Variants in MYO3B observed in about 807,000 individuals in gnomAD.
MYO3B encodes the protein myosin IIIB, also known as myosin-IIIb.
In MYO3B, 156 loss-of-function variants were observed where a neutral mutation model predicts 174.6. That is an observed-to-expected ratio of 0.89 (90% CI 0.78 to 1.02). The LOEUF (loss-of-function observed/expected upper bound fraction) is 1.02. Ranked by LOEUF, MYO3B falls within the 50% of genes least tolerant of loss-of-function variation. The pLI, the probability that MYO3B is intolerant of heterozygous loss-of-function variation, is 0.00. For missense variants in MYO3B, 1,632 were observed against 1,639.4 expected (o/e 1.00, Z 0.08); for synonymous variants, 563 against 569.1 (o/e 0.99, Z 0.15).
At chr2:170,375,514 T>G (rs1265008129) in intron 9 of MYO3B, among the ~76,000 whole-genome samples, 1 of 151,454 alleles carries the variant, frequency 6.6e-6, no homozygotes, top group Non-Finnish European at 1.5e-5. Context: ...TTGCTGGGTT[T>G]TTTTTTTTTC....
At chr2:170,202,839 T>C (rs1226253786) in intron 3 of MYO3B, among the ~76,000 whole-genome samples, 4 of 152,236 alleles carry the variant, frequency 2.6e-5, no homozygotes, top group African/African-American at 7.2e-5. Context: ...AATAAATTTA[T>C]GTTGCCTTTG....
intron 7 of MYO3B, among the ~76,000 whole-genome samples, chr2:170,260,404 C>G (rs1393332299): frequency 1.3e-5 from 2 of 152,202 alleles, no homozygotes; most frequent in Non-Finnish European, 2.9e-5. Context: ...TTCTTTGCAG[C>G]AGCATGGATG....
intron 32 of MYO3B, among the ~76,000 whole-genome samples, chr2:170,632,369 T>A (rs965801282): frequency 5.3e-5 from 8 of 152,152 alleles, no homozygotes; most frequent in Non-Finnish European, 1.0e-4. Flanking sequence ...AACCTGCTCC[T>A]GAATGACTAC....
intron 25 of MYO3B, among the ~76,000 whole-genome samples, chr2:170,476,495 C>G (rs1250561333): frequency 6.6e-6 from 1 of 152,010 alleles, no homozygotes; most frequent in Non-Finnish European, 1.5e-5. Flanking sequence ...GGATGGAGAG[C>G]TGGAATGGGG....
intron 32 of MYO3B, chr2:170,602,193 T>G: frequency 8.0e-7 from 1 of 1,244,500 alleles, no homozygotes; most frequent in Non-Finnish European, 1.2e-6. Context: ...ATGATGACAT[T>G]TTGCCTCTCG....
chr2:170,342,550 C>G (rs533256112), intron 8 of MYO3B, among the ~76,000 whole-genome samples: 1 of 152,226 alleles, frequency 6.6e-6, no homozygotes, highest in East Asian at 1.9e-4. Context: ...GATATTTAAC[C>G]TGTCTGACCG....
At chr2:170,499,888 T>G in intron 27 of MYO3B, 80 bp downstream of exon 27, 15 of 1,375,932 alleles carry the variant, frequency 1.1e-5, no homozygotes, top group Non-Finnish European at 1.5e-5. Context: ...ACTGTTTCTC[T>G]TCTAAGTGGT....
chr2:170,248,619 A>G (rs958881104), intron 7 of MYO3B, among the ~76,000 whole-genome samples: 2 of 152,008 alleles, frequency 1.3e-5, no homozygotes, highest in African/African-American at 4.8e-5. Context: ...GGATTTCTTG[A>G]CTTGTGGCTC....
At chr2:170,405,682 T>G in intron 21 of MYO3B, 49 bp downstream of exon 21, 1 of 1,444,348 alleles carries the variant, frequency 6.9e-7, no homozygotes. Flanking sequence ...AAAGGGTAAG[T>G]GTCTGTATTA....
At position 170,402,949 on chromosome 2, in the gene MYO3B, A is replaced by G; in HGVS notation, c.2231A>G (p.Glu744Gly). Reference protein sequence around the residue: ...FEQLCINIANEQIQYYFNQHV... With the variant: ...FEQLCINIANGQIQYYFNQHV... ...CAGCTCTGCATAAACATCGCCAATG[A>G]GCAAATCCAGTACTATTTCAATCAG... Residue 744 changes from glutamate (E) to glycine (G), a missense_variant, in exon 19 of 35, where the codon GAG becomes GGG. Transcript: ENST00000408978. 6.2e-7 allele frequency: 1 copy of G among 1,610,658 alleles called. No homozygotes were observed. The highest frequency in any genetic ancestry group is 8.5e-7 in the Non-Finnish European group (1 of 1,177,332).
chr2:170,533,370 A>G (rs1575126242), intron 30 of MYO3B, among the ~76,000 whole-genome samples: 3 of 150,280 alleles, frequency 2.0e-5, no homozygotes, highest in South Asian at 4.2e-4. Context: ...TGGACTAAGT[A>G]CTACTTTCAG....
chr2:170,559,464 A>G (rs1274124953), intron 32 of MYO3B, among the ~76,000 whole-genome samples: 2 of 152,214 alleles, frequency 1.3e-5, no homozygotes, highest in African/African-American at 2.4e-5. Context: ...CCAAAAGATC[A>G]GAGAGCAAAA....
At chr2:170,399,731 T>G (rs998543480) in intron 16 of MYO3B, among the ~76,000 whole-genome samples, 2 of 152,122 alleles carry the variant, frequency 1.3e-5, no homozygotes, top group Admixed American at 6.5e-5. Context: ...ATACCTGAAT[T>G]TGGGAGCTGG....
At chr2:170,212,113 C>T (rs939723229) in intron 3 of MYO3B, among the ~76,000 whole-genome samples, 1 of 152,038 alleles carries the variant, frequency 6.6e-6, no homozygotes, top group African/African-American at 2.4e-5. Context: ...TGTGGTGGCG[C>T]ATACCTGTAA....
intron 1 of MYO3B, among the ~76,000 whole-genome samples, chr2:170,190,789 C>G (rs1439028522): frequency 6.6e-6 from 1 of 152,028 alleles, no homozygotes; most frequent in East Asian, 1.9e-4. Context: ...AAATGCCATC[C>G]AAGAGCCAAG....
intron 32 of MYO3B, among the ~76,000 whole-genome samples, chr2:170,639,797 A>G (rs1039473185): frequency 6.6e-6 from 1 of 152,182 alleles, no homozygotes; most frequent in African/African-American, 2.4e-5. Flanking sequence ...AGCACTGAAC[A>G]GCACTGTACC....
In MYO3B at chr2:170,401,503, C is replaced by T. The variant is rs772356919; in HGVS notation, c.1941C>T (p.Ser647=). The change falls in exon 18 of 35, where the codon AGC becomes AGT. Residue 647 remains serine, a synonymous_variant. Transcript: ENST00000408978. The part of the protein sequence containing the change: ...LQNAASVLCI[S]PEELQEALTS... ...CAGCTGCCTCTGTTCTGTGCATTAG[C>T]CCTGAAGAGCTCCAGGAGGCCCTCA... 1.4e-5 allele frequency: 22 copies of T among 1,614,052 alleles called. No homozygotes were observed. Among genetic ancestry groups the T allele is most frequent in the Non-Finnish European group, 1.9e-5 (22 of 1,179,938 alleles).
intron 29 of MYO3B, 46 bp downstream of exon 29, chr2:170,515,068 A>G: frequency 6.5e-7 from 1 of 1,535,194 alleles, no homozygotes; most frequent in Non-Finnish European, 9.0e-7. Flanking sequence ...ATTCAGGGGC[A>G]TTCCGGAGAA....
intron 22 of MYO3B, chr2:170,408,661 A>G (rs76623682): frequency 8.0e-5 from 12 of 150,046 alleles, no homozygotes; most frequent in African/African-American, 2.7e-4. Context: ...ATCACTGTTC[A>G]TTGTTCACTA....
Sources: gnomAD v4.1 joint callset for allele counts (sites outside exome capture counted in the v4.1 genomes callset) on GRCh38, gnomAD v4.1.1 for gene constraint, MANE v1.5 for transcripts, NCBI Gene and HGNC (gene_info 2026-07-23, HGNC 2026-07-21) for gene names.